Variants in CRYBG1 observed in about 807,000 individuals in gnomAD.
The protein encoded by CRYBG1 is crystallin beta-gamma domain containing 1.
CRYBG1 carries 139 observed loss-of-function variants against 189.2 expected under a neutral mutation model. The ratio of observed to expected loss-of-function variants is 0.73; its 90% CI spans 0.64 to 0.85. The LOEUF (loss-of-function observed/expected upper bound fraction) is 0.85, where lower values mean the gene tolerates loss of function less well. Among genes scored for constraint, CRYBG1 ranks in the 40% least tolerant of loss-of-function variants. CRYBG1 has a pLI of 0.00. For synonymous variants in CRYBG1, 1,023 were observed against 1,017.1 expected (o/e 1.01, Z -0.11); for missense variants, 2,611 against 2,675.8 (o/e 0.98, Z 0.53).
intron 1 of CRYBG1, among the ~76,000 whole-genome samples, chr6:106,447,547 AATATAT>A (rs59943398): frequency 0.022 from 3,068 of 140,954 alleles, 106 homozygotes; most frequent in African/African-American, 0.075. Flanking sequence ...GTACCTCATA[AATATAT>A]ATATATATAT....
intron 1 of CRYBG1, among the ~76,000 whole-genome samples, chr6:106,408,418 T>C (rs192619177): frequency 3.9e-5 from 6 of 152,304 alleles, no homozygotes; most frequent in Admixed American, 3.9e-4. Context: ...ACTAGGCAGA[T>C]TCACAGCCGA....
chr6:106,565,936 T>C (rs1023893916), intron 21 of CRYBG1, among the ~76,000 whole-genome samples: 2 of 152,148 alleles, frequency 1.3e-5, no homozygotes, highest in Non-Finnish European at 2.9e-5. Flanking sequence ...TGTGACTCAA[T>C]TGGAAAAAAT....
At position 106,512,019 on chromosome 6, in the gene CRYBG1, C is replaced by G. The variant is rs1006582975; in HGVS notation, c.902C>G (p.Thr301Ser). ...LGVRGAPGSP[T>S]QERPAGGLGE... Reference sequence around the variant, plus strand: ...GTGAGGGGTGCGCCAGGGTCGCCCACCCAGGAGCGGCCCGCGGGAGGACTA... The same window carrying G: ...GTGAGGGGTGCGCCAGGGTCGCCCAGCCAGGAGCGGCCCGCGGGAGGACTA... The change falls in exon 3 of 22, where the codon ACC (threonine) becomes AGC (serine). Residue 301 changes from threonine (T) to serine (S), a missense_variant. Around this residue, in one of 3 missense-constraint regions of CRYBG1, gnomAD observed 985 missense variants for 924.4 expected, o/e 1.07. Transcript: ENST00000633556. 6.5e-7 allele frequency: 1 copy of G among 1,529,722 alleles called. No individual in the cohort carries two copies. Among genetic ancestry groups the G allele is most frequent in the Non-Finnish European group, 8.7e-7 (1 of 1,143,546 alleles). The allele number at this position is 1,529,722 out of a possible 1,614,324, so 94.8% of individuals were successfully genotyped here.
intron 2 of CRYBG1, among the ~76,000 whole-genome samples, chr6:106,501,946 G>T (rs1773020516): frequency 6.6e-6 from 1 of 152,206 alleles, no homozygotes; most frequent in Non-Finnish European, 1.5e-5. Flanking sequence ...GTCACTAGAA[G>T]TCTCAGAGCC....
Position 106,530,208 on chromosome 6 carries a change from T to C in CRYBG1, c.4611T>C (p.Thr1537=). Residue 1537 remains threonine (T), a synonymous_variant, in exon 8 of 22, where the codon ACT becomes ACC. Coordinates refer to ENST00000633556, the MANE Select transcript of CRYBG1 (RefSeq NM_001371242.2). ...DYRVSHIDLF[T]EPEGLGILSS... The stretch of plus-strand genomic sequence containing the variant: ...GAGTTAGTCACATTGACTTATTTAC[T>C]GAACCAGAAGGGTTAGGAATCCTAA... 6.2e-7 allele frequency: 1 copy of C among 1,613,038 alleles called. No individual in the cohort carries two copies. The highest frequency in any genetic ancestry group is 8.5e-7 in the Non-Finnish European group (1 of 1,179,448).
intron 2 of CRYBG1, among the ~76,000 whole-genome samples, chr6:106,483,636 A>C (rs1158066522): frequency 6.6e-6 from 1 of 152,018 alleles, no homozygotes; most frequent in Non-Finnish European, 1.5e-5. Context: ...TCCCATCAAC[A>C]GGGTGTAAGT....
At chr6:106,537,377 C>T (rs1043338424) in intron 8 of CRYBG1, among the ~76,000 whole-genome samples, 2 of 152,286 alleles carry the variant, frequency 1.3e-5, no homozygotes, top group East Asian at 3.9e-4. Context: ...TGTTACAGAA[C>T]TGCCATTATT....
Position 106,360,899 on chromosome 6 carries a change from GGAC to G in CRYBG1, c.-9_-7del. On this transcript the variant is annotated 5_prime_UTR_variant, in exon 1 of 22. Transcript: ENST00000633556. ...CGTCCCGGCAGTCGGAGCGGGAGGAGGACAAGACGATGCCGCTGTCCCCGCCAG... is the reference window on the plus strand; with the variant it reads ...CGTCCCGGCAGTCGGAGCGGGAGGAGAAGACGATGCCGCTGTCCCCGCCAG... The G allele has an allele frequency of 6.5e-7, 1 of 1,530,862 alleles. No homozygotes were observed. Among genetic ancestry groups the G allele is most frequent in the Non-Finnish European group, 8.7e-7 (1 of 1,144,328 alleles). 94.8% of individuals were successfully genotyped at this position (1,530,862 alleles called of 1,614,324 possible).
chr6:106,553,889 AG>A (rs1774468246), intron 16 of CRYBG1, among the ~76,000 whole-genome samples: 1 of 152,204 alleles, frequency 6.6e-6, no homozygotes, highest in African/African-American at 2.4e-5. Flanking sequence ...TTCAAAGGAC[AG>A]GATCGGCACT....
intron 17 of CRYBG1, 66 bp downstream of exon 17, chr6:106,555,963 G>A: frequency 1.9e-6 from 3 of 1,583,958 alleles, no homozygotes; most frequent in Non-Finnish European, 2.6e-6. Context: ...GTCAGAGTGA[G>A]GTAACCAGCC....
At position 106,512,157 on chromosome 6, in the gene CRYBG1, C is replaced by T. The variant is rs1048573748; in HGVS notation, c.1040C>T (p.Pro347Leu). 4.4e-5 allele frequency: 67 copies of T among 1,534,202 alleles called. No homozygotes were observed. The highest frequency in any genetic ancestry group is 5.5e-5 in the Non-Finnish European group (63 of 1,145,832). Reference protein sequence around the residue: ...KGASDLPGEPPAEGAAHTASS... With the variant: ...KGASDLPGEPLAEGAAHTASS... ...GCGTCTGATTTGCCAGGTGAGCCTC[C>T]GGCCGAGGGCGCAGCGCACACGGCC... is the stretch of plus-strand genomic sequence containing the variant. Residue 347 changes from proline (P) to leucine (L), a missense_variant, in exon 3 of 22, where the codon CCG (proline) becomes CTG (leucine). By Grantham distance (98) the Pro-to-Leu change is moderately conservative. Coordinates refer to ENST00000633556, the MANE Select transcript of CRYBG1 (RefSeq NM_001371242.2).
intron 1 of CRYBG1, among the ~76,000 whole-genome samples, chr6:106,417,591 A>G (rs1464625708): frequency 2.0e-5 from 3 of 152,244 alleles, no homozygotes; most frequent in African/African-American, 7.2e-5. Context: ...CTTCTTTCAT[A>G]GGTTAGGGAT....
intron 13 of CRYBG1, among the ~76,000 whole-genome samples, chr6:106,550,317 A>G (rs114154011): frequency 5.4e-4 from 83 of 152,364 alleles, no homozygotes; most frequent in African/African-American, 1.9e-3. Flanking sequence ...TGATCACCCT[A>G]CATAATACAT....
At chr6:106,480,516 A>T (rs953046778) in intron 2 of CRYBG1, among the ~76,000 whole-genome samples, 22 of 142,992 alleles carry the variant, frequency 1.5e-4, no homozygotes, top group Non-Finnish European at 2.8e-4. Flanking sequence ...AAAAAAAAAA[A>T]TTTAGCCAGG....
At chr6:106,451,928 A>G in intron 2 of CRYBG1, 96 bp downstream of exon 2, 1 of 971,448 alleles carries the variant, frequency 1.0e-6, no homozygotes, top group Non-Finnish European at 1.4e-6. Context: ...CATACTTAAA[A>G]GTAATGGTAT....
intron 2 of CRYBG1, among the ~76,000 whole-genome samples, chr6:106,479,482 T>C (rs988563816): frequency 6.6e-6 from 1 of 152,230 alleles, no homozygotes; most frequent in African/African-American, 2.4e-5. Context: ...CAATTCTACA[T>C]TTAACATTTT....
chr6:106,496,516 T>C (rs1772854517), intron 2 of CRYBG1, among the ~76,000 whole-genome samples: 2 of 144,652 alleles, frequency 1.4e-5, no homozygotes, highest in Non-Finnish European at 1.6e-5. Context: ...TGCCAATTTT[T>C]TTTTTTAATC....
intron 13 of CRYBG1, among the ~76,000 whole-genome samples, chr6:106,551,249 G>C (rs577596744): frequency 6.6e-6 from 1 of 151,948 alleles, no homozygotes; most frequent in Non-Finnish European, 1.5e-5. Context: ...ATATGTTCTT[G>C]CTCATAAATA....
chr6:106,501,501 A>T (rs1289079799), intron 2 of CRYBG1, among the ~76,000 whole-genome samples: 1 of 152,214 alleles, frequency 6.6e-6, no homozygotes, highest in Non-Finnish European at 1.5e-5. Context: ...CCATAAATTC[A>T]TTGTGTTACT....
Sources: allele counts gnomAD v4.1 joint callset (sites outside exome capture counted in the v4.1 genomes callset), GRCh38; gene constraint gnomAD v4.1.1; regional missense constraint gnomAD v4.1.1; transcripts MANE v1.5; gene names NCBI Gene and HGNC (gene_info 2026-07-23, HGNC 2026-07-21).